The following SPINK9 variants were observed in gnomAD, a reference collection of about 807,000 sequenced individuals.
SPINK9 encodes serine peptidase inhibitor Kazal type 9.
SPINK9 carries 3 observed loss-of-function variants against 10.8 expected under a neutral mutation model. The ratio of observed to expected loss-of-function variants is 0.28; its 90% CI spans 0.13 to 0.72. The LOEUF (loss-of-function observed/expected upper bound fraction) is 0.72, where lower values mean the gene tolerates loss of function less well. Ranked by LOEUF, SPINK9 falls within the 30% of genes least tolerant of loss-of-function variation. The pLI is 0.74. For synonymous variants in SPINK9, 30 were observed against 31.2 expected (o/e 0.96, Z 0.12); for missense variants, 101 against 103.2 (o/e 0.98, Z 0.09).
intron 2 of SPINK9, among the ~76,000 whole-genome samples, chr5:148,327,331 C>T (rs1206809127): frequency 6.6e-6 from 1 of 152,094 alleles, no homozygotes; most frequent in East Asian, 1.9e-4. Context: ...ATGTTCATAT[C>T]CCTTGCCCAC....
At chr5:148,323,603 T>A in intron 1 of SPINK9, 1 of 509,776 alleles carries the variant, frequency 2.0e-6, no homozygotes, top group Non-Finnish European at 3.5e-6. Flanking sequence ...AGTAAATCAT[T>A]CCCACATGGG....
At chr5:148,328,942 A>G (rs1757108171) in intron 2 of SPINK9, among the ~76,000 whole-genome samples, 1 of 152,136 alleles carries the variant, frequency 6.6e-6, no homozygotes, top group Non-Finnish European at 1.5e-5. Context: ...AATGTTCATC[A>G]AGGATATTGG....
At chr5:148,334,363 A>T (rs1208961151), upstream of SPINK9, among the ~76,000 whole-genome samples, 3 of 152,192 alleles carry the variant, frequency 2.0e-5, no homozygotes, top group Non-Finnish European at 4.4e-5. Context: ...GCCAATGCCA[A>T]GGCCTAGTCA....
chr5:148,336,782 G>A (rs1404889433), intron 2 of SPINK9, among the ~76,000 whole-genome samples: 1 of 152,198 alleles, frequency 6.6e-6, no homozygotes, highest in African/African-American at 2.4e-5. Context: ...GGCATAGAGT[G>A]AAACTCAATA....
intron 1 of SPINK9, among the ~76,000 whole-genome samples, chr5:148,322,431 G>A (rs555523546): frequency 2.0e-5 from 3 of 152,288 alleles, no homozygotes; most frequent in East Asian, 3.9e-4. Context: ...GTCAGGAATG[G>A]AAGAGAGCCA....
chr5:148,325,427 C>T (rs1757046364), intron 2 of SPINK9, among the ~76,000 whole-genome samples: 1 of 152,176 alleles, frequency 6.6e-6, no homozygotes, highest in South Asian at 2.1e-4. Flanking sequence ...TCTACCTATT[C>T]ACCAACACGT....
intron 2 of SPINK9, among the ~76,000 whole-genome samples, chr5:148,327,790 A>G (rs1393671249): frequency 1.3e-5 from 2 of 152,004 alleles, no homozygotes; most frequent in South Asian, 2.1e-4. Context: ...TGTTTTTGTC[A>G]GGTTTGTCAA....
chr5:148,331,280 T>C (rs187933577), upstream of SPINK9, among the ~76,000 whole-genome samples: 1 of 152,352 alleles, frequency 6.6e-6, no homozygotes, highest in African/African-American at 2.4e-5. Flanking sequence ...CAATGGAATA[T>C]TATTCAGCCT....
At chr5:148,323,531 T>C (rs1428123554) in intron 1 of SPINK9, 2 of 371,964 alleles carry the variant, frequency 5.4e-6, no homozygotes, top group Admixed American at 8.8e-5. Context: ...TTTATAAGTA[T>C]TTCTTACAAT....
intron 2 of SPINK9, among the ~76,000 whole-genome samples, chr5:148,329,421 C>G (rs867018080): frequency 7.2e-5 from 11 of 151,804 alleles, no homozygotes; most frequent in Middle Eastern, 6.8e-3. Context: ...TCTTGCTAGC[C>G]GTCTATCAAT....
At chr5:148,328,022 G>GT (rs1462169515) in intron 2 of SPINK9, among the ~76,000 whole-genome samples, 1 of 151,244 alleles carries the variant, frequency 6.6e-6, no homozygotes, top group Non-Finnish European at 1.5e-5. Context: ...CTTTAAAGTA[G>GT]TTTTTTCCAA....
rs1561769411 is a variant in SPINK9, at chr5:148,338,527, GTCA to G, written c.142_144del (p.His48del). 1.9e-6 allele frequency: 3 copies of G among 1,609,920 alleles called. No individual in the cohort carries two copies. The highest frequency in any genetic ancestry group is 2.5e-6 in the Non-Finnish European group (3 of 1,177,992). Reference sequence around the variant, plus strand: ...TTACCACCAGGACAACAGAGATTTTGTCATCATATGTATGATCCAATTTGTGGA... The same window carrying G: ...TTACCACCAGGACAACAGAGATTTTGTCATATGTATGATCCAATTTGTGGA... On this transcript the variant is annotated inframe_deletion, in exon 3 of 4. Transcript: ENST00000377906.
intron 2 of SPINK9, among the ~76,000 whole-genome samples, chr5:148,337,954 T>C (rs1253183697): frequency 6.6e-6 from 1 of 152,166 alleles, no homozygotes; most frequent in Non-Finnish European, 1.5e-5. Flanking sequence ...AATATTAAGA[T>C]ATATTCATCT....
chr5:148,334,744 A>G (rs1230002179), upstream of SPINK9, among the ~76,000 whole-genome samples: 2 of 152,144 alleles, frequency 1.3e-5, no homozygotes, highest in African/African-American at 4.8e-5. Flanking sequence ...TTCTCAAACT[A>G]CATGAGAGCA....
chr5:148,323,900 A>G (rs921310718), intron 2 of SPINK9: 2 of 680,412 alleles, frequency 2.9e-6, no homozygotes, highest in Non-Finnish European at 5.3e-6. Flanking sequence ...TTTAATGTGT[A>G]TCTAAAGTAT....
At chr5:148,337,986 C>G (rs1422322537) in intron 2 of SPINK9, among the ~76,000 whole-genome samples, 1 of 152,038 alleles carries the variant, frequency 6.6e-6, no homozygotes, top group Non-Finnish European at 1.5e-5. Flanking sequence ...AAGTATATAA[C>G]AAGTAAATTG....
upstream of SPINK9, among the ~76,000 whole-genome samples, chr5:148,331,210 C>T (rs1421700377): frequency 1.3e-5 from 2 of 152,228 alleles, no homozygotes; most frequent in African/African-American, 4.8e-5. Context: ...GGAGCTGTTC[C>T]TATTCGGCCA....
rs995146794 is a variant in SPINK9 at position 148,324,344 on chromosome 5, C to T, written c.118+476C>T. Among the ~76,000 whole-genome samples the T allele has an allele frequency of 1.3e-5, 2 of 151,994 alleles. 1 individual carries two copies. Among genetic ancestry groups the T allele is most frequent in the African/African-American group, 4.8e-5 (2 of 41,396 alleles). On this transcript the variant is annotated intron_variant, in intron 2 of 4. Transcript: ENST00000511717. ...TTTGCAACATAAAATGAGATATTTA[C>T]ATAATCTCAAAGAATCTCGTCATAA...
chr5:148,330,780 G>C (rs1757138060), upstream of SPINK9, among the ~76,000 whole-genome samples: 1 of 152,116 alleles, frequency 6.6e-6, no homozygotes, highest in Non-Finnish European at 1.5e-5. Context: ...AGTTTGGCTG[G>C]ATATGAAATT....
Sources: allele counts gnomAD v4.1 joint callset (sites outside exome capture counted in the v4.1 genomes callset), GRCh38; gene constraint gnomAD v4.1.1; transcripts MANE v1.5; gene names NCBI Gene and HGNC (gene_info 2026-07-23, HGNC 2026-07-21).